TNFSF4: variants seen among roughly 807,000 people sequenced by gnomAD.
TNFSF4 encodes the protein TNF superfamily member 4, also known as tumor necrosis factor ligand superfamily member 4.
Under a neutral mutation model 7.3 loss-of-function variants are expected in TNFSF4, and 4 were observed. The ratio of observed to expected loss-of-function variants is 0.55; its 90% confidence interval spans 0.27 to 1.25. The LOEUF (loss-of-function observed/expected upper bound fraction) is 1.25. Among genes scored for constraint, TNFSF4 ranks in the 50% most tolerant of loss-of-function variants. TNFSF4 has a pLI of 0.12. For synonymous variants in TNFSF4, 76 were observed against 83.7 expected (o/e 0.91, Z 0.50); for missense variants, 181 against 208.8 (o/e 0.87, Z 0.82).
the TNFSF4 span, among the ~76,000 whole-genome samples, chr1:173,316,168 T>C: frequency 6.6e-6 from 1 of 152,186 alleles, no homozygotes; most frequent in Non-Finnish European, 1.5e-5. Context: ...TTCAAAAGAC[T>C]ACCCTTCCTC....
the TNFSF4 span, among the ~76,000 whole-genome samples, chr1:173,265,835 G>C: frequency 6.6e-6 from 1 of 152,096 alleles, no homozygotes; most frequent in Admixed American, 6.5e-5. Context: ...AGTGGTAATA[G>C]CCTTCTAACT....
chr1:173,216,694 G>A, the TNFSF4 span, among the ~76,000 whole-genome samples: 42 of 151,930 alleles, frequency 2.8e-4, no homozygotes, highest in Admixed American at 2.0e-4. Context: ...ACCCCTTTCT[G>A]CCTCCTTAAG....
At chr1:173,242,335 G>C in the TNFSF4 span, among the ~76,000 whole-genome samples, 2 of 152,090 alleles carry the variant, frequency 1.3e-5, no homozygotes, top group African/African-American at 2.4e-5. Flanking sequence ...GAACCATTCA[G>C]CTATTTAGAG....
chr1:173,401,671 C>T, the TNFSF4 span, among the ~76,000 whole-genome samples: 1 of 152,140 alleles, frequency 6.6e-6, no homozygotes, highest in Admixed American at 6.6e-5. Flanking sequence ...TCCTGTATCT[C>T]AAGCTAGCAG....
At chr1:173,441,460 T>TAA in the TNFSF4 span, among the ~76,000 whole-genome samples, 2 of 152,024 alleles carry the variant, frequency 1.3e-5, no homozygotes, top group African/African-American at 2.4e-5. Flanking sequence ...CCATCTCCAC[T>TAA]AAAAATACAA....
At chr1:173,245,792 C>T in the TNFSF4 span, among the ~76,000 whole-genome samples, 1 of 152,146 alleles carries the variant, frequency 6.6e-6, no homozygotes, top group East Asian at 1.9e-4. Context: ...CTCTGTACTT[C>T]TATGAGATCT....
the TNFSF4 span, among the ~76,000 whole-genome samples, chr1:173,319,090 C>A: frequency 6.6e-6 from 1 of 152,192 alleles, no homozygotes; most frequent in Non-Finnish European, 1.5e-5. Flanking sequence ...CTAAGAACCA[C>A]TGGCTTGAAA....
At chr1:173,444,394 G>A in the TNFSF4 span, among the ~76,000 whole-genome samples, 6 of 151,086 alleles carry the variant, frequency 4.0e-5, no homozygotes, top group South Asian at 2.1e-4. Context: ...TGTTTTTTTC[G>A]TACAAAAAGT....
chr1:173,299,611 G>T, the TNFSF4 span, among the ~76,000 whole-genome samples: 1 of 152,014 alleles, frequency 6.6e-6, no homozygotes, highest in East Asian at 1.9e-4. Flanking sequence ...TCCACAGGAG[G>T]TAACTCATAA....
At chr1:173,241,506 C>T in the TNFSF4 span, among the ~76,000 whole-genome samples, 8 of 152,290 alleles carry the variant, frequency 5.3e-5, no homozygotes, top group South Asian at 1.5e-3. Context: ...CTATCCACAG[C>T]ATTAGTAAAA....
chr1:173,391,052 A>C, the TNFSF4 span, among the ~76,000 whole-genome samples: 1 of 151,990 alleles, frequency 6.6e-6, no homozygotes, highest in South Asian at 2.1e-4. Flanking sequence ...AGCCTTCAAC[A>C]TTCTTCTTTT....
At chr1:173,365,284 T>C in the TNFSF4 span, among the ~76,000 whole-genome samples, 7 of 152,230 alleles carry the variant, frequency 4.6e-5, no homozygotes, top group African/African-American at 1.7e-4. Flanking sequence ...CTAGATGCTC[T>C]TTTAACAAGA....
chr1:173,356,974 G>T, the TNFSF4 span, among the ~76,000 whole-genome samples: 5 of 152,286 alleles, frequency 3.3e-5, no homozygotes, highest in East Asian at 7.7e-4. Flanking sequence ...CCTGATTGAT[G>T]ATAAGATAGC....
chr1:173,328,247 TGCAAAGACAAAAAACCAAACACC>T, the TNFSF4 span, among the ~76,000 whole-genome samples: 1 of 150,122 alleles, frequency 6.7e-6, no homozygotes, highest in Non-Finnish European at 1.5e-5. Flanking sequence ...AGCAAACTAT[TGCAAAGACAAAAAACCAAACACC>T]GCATGTTCTC....
chr1:173,272,561 A>T, the TNFSF4 span, among the ~76,000 whole-genome samples: 1 of 152,088 alleles, frequency 6.6e-6, no homozygotes, highest in Non-Finnish European at 1.5e-5. Context: ...AGGAACAGGA[A>T]CATTGTCATG....
the TNFSF4 span, among the ~76,000 whole-genome samples, chr1:173,242,073 G>GT: frequency 6.6e-6 from 1 of 152,282 alleles, no homozygotes; most frequent in East Asian, 1.9e-4. Context: ...TGAGAAGTCT[G>GT]TTTTTTCTAC....
chr1:173,269,532 T>C, the TNFSF4 span, among the ~76,000 whole-genome samples: 1 of 152,036 alleles, frequency 6.6e-6, no homozygotes, highest in Non-Finnish European at 1.5e-5. Flanking sequence ...TTAAGTAAAA[T>C]AAGGATTCCT....
chr1:173,267,972 T>C, the TNFSF4 span, among the ~76,000 whole-genome samples: 1 of 152,060 alleles, frequency 6.6e-6, no homozygotes, highest in Non-Finnish European at 1.5e-5. Context: ...ATTTCTCATA[T>C]GAAACCATAG....
the TNFSF4 span, among the ~76,000 whole-genome samples, chr1:173,409,326 G>A: frequency 6.6e-6 from 1 of 152,180 alleles, no homozygotes; most frequent in East Asian, 1.9e-4. Flanking sequence ...TATTGGGACA[G>A]CTGGGGAAAC....
Sources: gnomAD v4.1 joint callset for allele counts (sites outside exome capture counted in the v4.1 genomes callset) on GRCh38, gnomAD v4.1.1 for gene constraint, MANE v1.5 for transcripts, NCBI Gene and HGNC (gene_info 2026-07-23, HGNC 2026-07-21) for gene names.